The following DUS3L variants were observed in gnomAD, a reference collection of about 807,000 sequenced individuals.
The protein encoded by DUS3L is tRNA-dihydrouridine(47) synthase [NAD(P)(+)]-like.
Under a neutral mutation model 74.6 loss-of-function variants are expected in DUS3L, and 62 were observed. The ratio of observed to expected loss-of-function variants is 0.83; its 90% CI spans 0.68 to 1.03. DUS3L has a LOEUF of 1.03. Among genes scored for constraint, DUS3L ranks in the 50% least tolerant of loss-of-function variants. The probability of loss-of-function intolerance (pLI) is 0.00; values close to 1 mark genes in which losing one functional copy is unlikely to be tolerated. For missense variants in DUS3L, 884 were observed against 924.4 expected, an observed-to-expected ratio of 0.96 and a Z score of 0.57; for synonymous variants, 433 against 395.7, an observed-to-expected ratio of 1.09 and a Z score of -1.12.
At chr19:5,786,229 G>T (rs1051949542) in intron 10 of DUS3L, among the ~76,000 whole-genome samples, 5 of 152,288 alleles carry the variant, frequency 3.3e-5, no homozygotes, top group Admixed American at 3.3e-4. Flanking sequence ...GATTACAGGC[G>T]TGAGCCACAC....
intron 1 of DUS3L, chr19:5,790,674 A>G: frequency 1.9e-6 from 1 of 515,914 alleles, no homozygotes. Flanking sequence ...CCCTTCAAAC[A>G]CCGCAGGCCC....
chr19:5,787,397 G>A (rs753948558), intron 6 of DUS3L, 36 bp from the exon 7 acceptor site: 17 of 1,605,756 alleles, frequency 1.1e-5, no homozygotes, highest in African/African-American at 9.4e-5. Flanking sequence ...AGGGCAGGAC[G>A]TGGGCTGACC....
At position 5,785,741 on chromosome 19, in the gene DUS3L, T is replaced by C; in HGVS notation, c.1613A>G (p.His538Arg). The C allele has an allele frequency of 6.2e-7, 1 of 1,610,956 alleles. No homozygotes were observed. Among genetic ancestry groups the C allele is most frequent in the Non-Finnish European group, 8.5e-7 (1 of 1,179,452 alleles). The change falls in exon 11 of 13, where the codon CAC (histidine) becomes CGC (arginine). Residue 538 changes from histidine (H) to arginine (R), a missense_variant. Transcript: ENST00000309061. ...WLFTEIKEQR[H>R]WDISSSERLD... Reference sequence around the variant, plus strand: ...GCGCTCGGACGACGAGATGTCCCAGTGCCGCTGCTCCTTGATCTCCGTGAA... The same window carrying C: ...GCGCTCGGACGACGAGATGTCCCAGCGCCGCTGCTCCTTGATCTCCGTGAA...
At position 5,786,884 on chromosome 19, in the gene DUS3L, G is replaced by C. The variant is rs371566186; in HGVS notation, c.1390-39C>G. The C allele has an allele frequency of 7.0e-6, 11 of 1,572,152 alleles. No homozygotes were observed. The African/African-American group carries it at 1.5e-4, about 21-fold the overall frequency. On this transcript the variant is annotated intron_variant, in intron 8 of 12. Coordinates refer to ENST00000309061, the MANE Select transcript of DUS3L (RefSeq NM_020175.3). ...CGCCACGCAGGGTAGGAGGCAGAGA[G>C]TGAGACGCAGAGAGGAAGAGACCAA...
At chr19:5,788,297 C>T (rs2056874960) in intron 4 of DUS3L, 60 bp downstream of exon 4, 1 of 1,612,330 alleles carries the variant, frequency 6.2e-7, no homozygotes, top group African/African-American at 1.3e-5. Flanking sequence ...ACACTAAGCC[C>T]TGTTGGAATG....
intron 6 of DUS3L, 87 bp from the exon 7 acceptor site, chr19:5,787,448 A>G: frequency 6.5e-7 from 1 of 1,532,512 alleles, no homozygotes; most frequent in Non-Finnish European, 9.0e-7. Context: ...CCCCACCAGG[A>G]GACGCCGACC....
rs1310474641 is a variant in DUS3L at position 5,786,321 on chromosome 19, G to A, written c.1562+146C>T. 1.4e-5 allele frequency: 10 copies of A among 738,934 alleles called. No homozygotes were observed. The East Asian group carries it at 1.7e-4, about 12-fold the overall frequency. The allele number at this position is 738,934 out of a possible 1,614,324, so 45.8% of individuals were successfully genotyped here. A position where few individuals can be genotyped will look rare whatever the true frequency, so the allele number is the denominator to read the frequency against. ...AATTTCCAGTCCCCTCTGCCGCAAC[G>A]CAGCTGCAACTCCTGACATCGCTCT... On this transcript the variant is annotated intron_variant, in intron 10 of 12. Coordinates refer to ENST00000309061, the MANE Select transcript of DUS3L (RefSeq NM_020175.3).
rs772994460 is a variant in DUS3L at position 5,785,212 on chromosome 19, C to T, written c.1944G>A (p.Ala648=). ...FAFLPKHKAN[A]YK ...CTGGGAAAGCCTGAGGCTACTTGTA[C>T]GCGTTGGCCTTGTGCTTCGGCAAGA... Residue 648 remains alanine (A), a synonymous_variant, in exon 13 of 13, where the codon GCG becomes GCA. Transcript: ENST00000309061. 69 of 1,607,286 alleles carry T rather than the reference C, an allele frequency of 4.3e-5. No homozygotes were observed. The highest frequency in any genetic ancestry group is 5.3e-5 in the Non-Finnish European group (63 of 1,177,642).
intron 9 of DUS3L, 36 bp from the exon 10 acceptor site, chr19:5,786,578 G>A: frequency 1.9e-6 from 3 of 1,606,616 alleles, no homozygotes; most frequent in Non-Finnish European, 2.6e-6. Flanking sequence ...AGGGAGACAT[G>A]GGCAGGTGGG....
chr19:5,787,182 G>GTGGTGGGAGGTGGTGGGAGA lies in DUS3L; in HGVS notation c.1279-31_1279-12dup, dbSNP rs2056852903. 5 of 111,548 alleles carry GTGGTGGGAGGTGGTGGGAGA rather than the reference G, an allele frequency of 4.5e-5. 2 individuals carry two copies. Among genetic ancestry groups the GTGGTGGGAGGTGGTGGGAGA allele is most frequent in the Non-Finnish European group, 3.5e-5 (3 of 84,868 alleles). 6.9% of individuals were successfully genotyped at this position (111,548 alleles called of 1,614,324 possible). A position where few individuals can be genotyped will look rare whatever the true frequency, so the allele number is the denominator to read the frequency against. On this transcript the variant is annotated splice_polypyrimidine_tract_variant and intron_variant, in intron 7 of 12. Transcript: ENST00000309061. ...CGGCACATCCAGCACCTACAGGACG[G>GTGGTGGGAGGTGGTGGGAGA]TGGTGGGAGGTGGTGGGAGATGGTG...
chr19:5,785,425 G>A lies in DUS3L; in HGVS notation c.1838C>T (p.Thr613Met), dbSNP rs763111241. ...GGCTGCCTTCTGGCTGGCCATCAGC[G>A]TCTCCAGGTAGTCGCGGCCCAGGTA... ...PYYLGRDYLE[T>M]LMASQKAADW... is the part of the protein sequence containing the mutation. The change falls in exon 12 of 13, where the codon ACG becomes ATG. Residue 613 changes from threonine to methionine, a missense_variant. By Grantham distance (81) the Thr-to-Met change is moderately conservative. Transcript: ENST00000309061. 27 of 1,593,674 alleles carry A rather than the reference G, an allele frequency of 1.7e-5. No individual in the cohort carries two copies. Among genetic ancestry groups the A allele is most frequent in the Middle Eastern group, 3.4e-4 (2 of 5,958 alleles).
Position 5,789,287 on chromosome 19 carries a change from G to C in DUS3L, c.820C>G (p.Pro274Ala). ...QVPAGPGTST[P>A]PSSPVRTCGP... Reference sequence around the variant, plus strand: ...CAGGTCCGCACGGGGCTGCTGGGAGGGGTGCTAGTGCCCGGCCCTGCGGGG... The same window carrying C: ...CAGGTCCGCACGGGGCTGCTGGGAGCGGTGCTAGTGCCCGGCCCTGCGGGG... Residue 274 changes from proline to alanine, a missense_variant, in exon 3 of 13, where the codon CCT becomes GCT. By Grantham distance (27) the Pro-to-Ala change is conservative. Coordinates refer to ENST00000309061, the MANE Select transcript of DUS3L (RefSeq NM_020175.3). 6.3e-7 allele frequency: 1 copy of C among 1,597,444 alleles called. No homozygotes were observed. The highest frequency in any genetic ancestry group is 1.1e-5 in the South Asian group (1 of 89,220).
chr19:5,785,194 A>G lies in DUS3L; in HGVS notation c.*9T>C. The stretch of plus-strand genomic sequence containing the variant: ...CCTCGCCCCAGGGTGCCCCTGGGAA[A>G]GCCTGAGGCTACTTGTACGCGTTGG... On this transcript the variant is annotated 3_prime_UTR_variant, in exon 13 of 13. Transcript: ENST00000309061. 6.2e-7 allele frequency: 1 copy of G among 1,601,020 alleles called. No individual in the cohort carries two copies. The highest frequency in any genetic ancestry group is 8.5e-7 in the Non-Finnish European group (1 of 1,174,392).
At chr19:5,787,938 G>A in intron 5 of DUS3L, 86 bp downstream of exon 5, 1 of 1,562,420 alleles carries the variant, frequency 6.4e-7, no homozygotes, top group Non-Finnish European at 8.6e-7. Flanking sequence ...GGGTCAGGGA[G>A]GCAACCAGGG....
chr19:5,790,454 A>C, intron 1 of DUS3L, 119 bp from the exon 2 acceptor site: 1 of 1,250,176 alleles, frequency 8.0e-7, no homozygotes, highest in South Asian at 1.4e-5. Flanking sequence ...TCACTACTTA[A>C]GAACCAGCCA....
intron 1 of DUS3L, 61 bp downstream of exon 1, chr19:5,790,983 C>T: frequency 2.0e-6 from 3 of 1,501,966 alleles, no homozygotes; most frequent in Non-Finnish European, 2.7e-6. Context: ...ATGCACAGCT[C>T]GGACCGCGCT....
In DUS3L at chr19:5,787,341, C is replaced by T; in HGVS notation, c.1233G>A (p.Met411Ile). The T allele has an allele frequency of 1.3e-6, 2 of 1,545,046 alleles. No homozygotes were observed. Among genetic ancestry groups the T allele is most frequent in the Non-Finnish European group, 1.7e-6 (2 of 1,147,424 alleles). ...TCTGCTGGAACTTGGTGGAGCGATTCATGAGGGCACAGCCCCCACCCTGGA... is the reference window on the plus strand; with the variant it reads ...TCTGCTGGAACTTGGTGGAGCGATTTATGAGGGCACAGCCCCCACCCTGGA... ...VYKKGGGCAL[M>I]NRSTKFQQIV... Residue 411 changes from methionine to isoleucine, a missense_variant, in exon 7 of 13, where the codon ATG (methionine) becomes ATA (isoleucine). Met to Ile is a conservative substitution (Grantham distance 10, BLOSUM62 1). Coordinates refer to ENST00000309061, the MANE Select transcript of DUS3L (RefSeq NM_020175.3).
intron 11 of DUS3L, 27 bp downstream of exon 11, chr19:5,785,576 C>T: frequency 6.3e-7 from 1 of 1,583,606 alleles, no homozygotes; most frequent in Non-Finnish European, 8.6e-7. Context: ...CCACGCGCCG[C>T]CCACCCCAGC....
Position 5,789,248 on chromosome 19 carries a change from C to A in DUS3L, c.859G>T (p.Asp287Tyr). The A allele has an allele frequency of 6.4e-7, 1 of 1,567,570 alleles. No homozygotes were observed. Among genetic ancestry groups the A allele is most frequent in the South Asian group, 1.2e-5 (1 of 84,304 alleles). ...GGCCGCAGCCTGACCACGTCCTCAT[C>A]CGTCAGGGGCCCGCAGGTCCGCACG... ...SPVRTCGPLT[D>Y]EDVVRLRPCE... The change falls in exon 3 of 13, where the codon GAT becomes TAT. Residue 287 changes from aspartate (D) to tyrosine (Y), a missense_variant. By Grantham distance (160) the Asp-to-Tyr change is radical (BLOSUM62 -3). Transcript: ENST00000309061.
Sources: gnomAD v4.1 joint callset for allele counts (sites outside exome capture counted in the v4.1 genomes callset) on GRCh38, gnomAD v4.1.1 for gene constraint, MANE v1.5 for transcripts, NCBI Gene and HGNC (gene_info 2026-07-23, HGNC 2026-07-21) for gene names.